Variants in MACROD2 observed in about 807,000 individuals in gnomAD.
The protein encoded by MACROD2 is ADP-ribose glycohydrolase MACROD2.
A neutral mutation model predicts 70.4 loss-of-function variants in MACROD2; 36 were observed. The ratio of observed to expected loss-of-function variants is 0.51; its 90% CI spans 0.39 to 0.68. MACROD2 has a LOEUF of 0.68. Among genes scored for constraint, MACROD2 ranks in the 30% least tolerant of loss-of-function variants. The pLI, the probability that MACROD2 is intolerant of heterozygous loss-of-function variation, is 0.00. For missense variants in MACROD2, 496 were observed against 538.4 expected, an observed-to-expected ratio of 0.92 and a Z score of 0.78; for synonymous variants, 172 against 178.8, an observed-to-expected ratio of 0.96 and a Z score of 0.30.
intron 5 of MACROD2, among the ~76,000 whole-genome samples, chr20:15,192,338 C>G (rs1277573544): frequency 1.3e-5 from 2 of 152,176 alleles, no homozygotes; most frequent in Non-Finnish European, 2.9e-5. Flanking sequence ...AATTCACAAC[C>G]TTTTCATAAT....
At chr20:14,971,839 C>T (rs1388238813) in intron 5 of MACROD2, among the ~76,000 whole-genome samples, 1 of 152,122 alleles carries the variant, frequency 6.6e-6, no homozygotes, top group Non-Finnish European at 1.5e-5. Flanking sequence ...TCTTACTACA[C>T]AAGTTGATGG....
chr20:14,323,282 A>G (rs1256408644), intron 3 of MACROD2: 1 of 152,122 alleles, frequency 6.6e-6, no homozygotes, highest in Non-Finnish European at 1.5e-5. Flanking sequence ...ATTTGCTACA[A>G]CAGCTCACAA....
rs1171518905 is a variant in MACROD2 at position 15,276,771 on chromosome 20, T to A, written c.540+46710T>A. 2.0e-5 allele frequency among the ~76,000 whole-genome samples: 3 copies of A among 152,154 alleles called. No individual in the cohort carries two copies. In the East Asian group the frequency reaches 5.8e-4, roughly 29 times the overall value. ...GCAGATGAGAATAGAGGGAGAAAGA[T>A]GTGGAAGAGAAGAGGTGATGGAAGA... On this transcript the variant is annotated intron_variant, in intron 6 of 17. Coordinates refer to ENST00000684519, the MANE Select transcript of MACROD2 (RefSeq NM_001351661.2).
rs140476124 is a variant in MACROD2 at position 14,538,161 on chromosome 20, C to T, written c.301+44653C>T. ...CATGAAAAGAAACTGAGGTAGAGAA[C>T]GATTACCTGTCCAAGGTCTCAACCG... is the stretch of plus-strand genomic sequence containing the variant. On this transcript the variant is annotated intron_variant, in intron 4 of 17. Transcript: ENST00000684519. Among the ~76,000 whole-genome samples, 421 of 152,238 alleles carry T rather than the reference C, an allele frequency of 2.8e-3. 1 individual carries two copies. Among genetic ancestry groups the T allele is most frequent in the Non-Finnish European group, 5.2e-3 (355 of 68,018 alleles).
intron 4 of MACROD2, among the ~76,000 whole-genome samples, chr20:14,539,547 T>G (rs2085405666): frequency 6.6e-6 from 1 of 152,136 alleles, no homozygotes; most frequent in African/African-American, 2.4e-5. Context: ...ATGATGGGGC[T>G]CATTTCTGCA....
rs11480945 is a variant in MACROD2 at position 15,571,428 on chromosome 20, C to CTT, written c.645+71589_645+71590dup. Among the ~76,000 whole-genome samples, 396 of 149,688 alleles carry CTT rather than the reference C, an allele frequency of 2.6e-3. 1 individual carries two copies. Among genetic ancestry groups the CTT allele is most frequent in the Non-Finnish European group, 4.0e-3 (267 of 67,298 alleles). On this transcript the variant is annotated intron_variant, in intron 8 of 17. Transcript: ENST00000684519. ...AATGTTTGCAGTTTCCCTGTTTTTT[C>CTT]TTTTTTTTTGGAAATGTTACTTTGT...
chr20:15,056,986 C>G (rs1166248970), intron 5 of MACROD2, among the ~76,000 whole-genome samples: 1 of 152,100 alleles, frequency 6.6e-6, no homozygotes, highest in Non-Finnish European at 1.5e-5. Flanking sequence ...ATGTGGTTAC[C>G]TGACCAACCC....
intron 8 of MACROD2, among the ~76,000 whole-genome samples, chr20:15,767,593 G>A (rs2051549147): frequency 1.3e-5 from 2 of 152,134 alleles, no homozygotes; most frequent in South Asian, 4.1e-4. Flanking sequence ...CATTTCTTCT[G>A]CCTTGAAGTG....
chr20:14,088,746 A>G (rs924949188), intron 3 of MACROD2, among the ~76,000 whole-genome samples: 2 of 152,194 alleles, frequency 1.3e-5, no homozygotes, highest in South Asian at 2.1e-4. Context: ...TTTTGTGTCA[A>G]CTCCCCAAGC....
intron 6 of MACROD2, among the ~76,000 whole-genome samples, chr20:15,358,471 A>G (rs2078314626): frequency 6.7e-6 from 1 of 149,858 alleles, no homozygotes. Context: ...TTAACGTTTT[A>G]TAACATTAAT....
At chr20:15,124,688 G>T (rs1279929841) in intron 5 of MACROD2, among the ~76,000 whole-genome samples, 1 of 151,880 alleles carries the variant, frequency 6.6e-6, no homozygotes, top group Non-Finnish European at 1.5e-5. Context: ...TATAGCATAT[G>T]TTTTTATTTT....
At chr20:14,481,583 T>C (rs1301546950) in intron 3 of MACROD2, among the ~76,000 whole-genome samples, 1 of 152,250 alleles carries the variant, frequency 6.6e-6, no homozygotes, top group Non-Finnish European at 1.5e-5. Flanking sequence ...GACATTGGTG[T>C]TAACTGGATA....
chr20:15,151,010 A>C (rs1601144518), intron 5 of MACROD2, among the ~76,000 whole-genome samples: 1 of 151,882 alleles, frequency 6.6e-6, no homozygotes, highest in South Asian at 2.1e-4. Context: ...GGACGGACTT[A>C]CCCTCCACTG....
chr20:15,624,521 T>C (rs1347756912), intron 8 of MACROD2, among the ~76,000 whole-genome samples: 1 of 152,214 alleles, frequency 6.6e-6, no homozygotes, highest in East Asian at 1.9e-4. Context: ...CTGTGCTATA[T>C]ATTATATTAT....
intron 13 of MACROD2, among the ~76,000 whole-genome samples, chr20:15,981,698 G>A (rs558268291): frequency 1.1e-4 from 17 of 152,270 alleles, no homozygotes; most frequent in South Asian, 4.2e-4. Context: ...TCTGGAGAGC[G>A]TCTTTGAACC....
intron 3 of MACROD2, among the ~76,000 whole-genome samples, chr20:14,479,093 C>G (rs2084631870): frequency 6.6e-6 from 1 of 152,094 alleles, no homozygotes; most frequent in Non-Finnish European, 1.5e-5. Flanking sequence ...AGGGGATTCT[C>G]AGGCCTGGTG....
chr20:14,022,442 T>C (rs2053098133), intron 2 of MACROD2, among the ~76,000 whole-genome samples: 2 of 106,628 alleles, frequency 1.9e-5, no homozygotes, highest in Admixed American at 1.9e-4. Context: ...GCCCAATTCT[T>C]TTTTTTTTTT....
chr20:14,577,856 T>A (rs1371646739), intron 4 of MACROD2, among the ~76,000 whole-genome samples: 5 of 64,112 alleles, frequency 7.8e-5, no homozygotes, highest in Admixed American at 1.8e-4. Flanking sequence ...GTAAGAAATA[T>A]CTGCTTCAAG....
intron 5 of MACROD2, among the ~76,000 whole-genome samples, chr20:14,831,952 C>T (rs547558044): frequency 7.1e-6 from 1 of 141,256 alleles, no homozygotes; most frequent in Non-Finnish European, 1.6e-5. Context: ...TATTGGGTCC[C>T]CTTGAGACCA....
Sources: gnomAD v4.1 joint callset for allele counts (sites outside exome capture counted in the v4.1 genomes callset) on GRCh38, gnomAD v4.1.1 for gene constraint, MANE v1.5 for transcripts, NCBI Gene and HGNC (gene_info 2026-07-23, HGNC 2026-07-21) for gene names.